Variants in CDH18 observed in about 807,000 individuals in gnomAD.
CDH18 encodes the protein cadherin 18.
In CDH18, 31 loss-of-function variants were observed where a neutral mutation model predicts 67.9. The ratio of observed to expected loss-of-function variants is 0.46; its 90% CI spans 0.34 to 0.62. The LOEUF (loss-of-function observed/expected upper bound fraction) is 0.62, where lower values mean the gene tolerates loss of function less well. Ranked by LOEUF, CDH18 falls within the 20% of genes least tolerant of loss-of-function variation. The probability of loss-of-function intolerance (pLI) is 0.01; values close to 1 mark genes in which losing one functional copy is unlikely to be tolerated. For synonymous variants in CDH18, 362 were observed against 347.2 expected (o/e 1.04, Z -0.48); for missense variants, 890 against 975.5 (o/e 0.91, Z 1.17).
chr5:19,602,261 A>G (rs1311454643), intron 6 of CDH18, among the ~76,000 whole-genome samples: 1 of 152,146 alleles, frequency 6.6e-6, no homozygotes, highest in African/African-American at 2.4e-5. Flanking sequence ...TTTTAGAACT[A>G]ATAAAGTAAT....
chr5:20,343,453 C>T (rs1425767324), intron 1 of CDH18, among the ~76,000 whole-genome samples: 1 of 152,092 alleles, frequency 6.6e-6, no homozygotes, highest in Non-Finnish European at 1.5e-5. Context: ...AGGAAGGACC[C>T]CATTACATTA....
intron 2 of CDH18, among the ~76,000 whole-genome samples, chr5:19,962,178 T>A (rs551776841): frequency 2.6e-5 from 4 of 151,838 alleles, no homozygotes; most frequent in Non-Finnish European, 5.9e-5. Context: ...GTTTGATAAA[T>A]GTTTTTATGT....
At chr5:19,790,072 C>T (rs1561305030) in intron 3 of CDH18, among the ~76,000 whole-genome samples, 1 of 152,048 alleles carries the variant, frequency 6.6e-6, no homozygotes, top group Non-Finnish European at 1.5e-5. Flanking sequence ...ATATAAATGT[C>T]CCCATCACAG....
intron 2 of CDH18, among the ~76,000 whole-genome samples, chr5:20,146,285 A>G (rs867353168): frequency 1.2e-4 from 18 of 152,058 alleles, no homozygotes; most frequent in South Asian, 6.2e-4. Flanking sequence ...TTTGGAGTAT[A>G]GTGAGGGAGG....
At chr5:20,107,217 A>T (rs1233648716) in intron 2 of CDH18, among the ~76,000 whole-genome samples, 1 of 151,858 alleles carries the variant, frequency 6.6e-6, no homozygotes, top group Non-Finnish European at 1.5e-5. Context: ...AGTAGCTGGG[A>T]CTACAGGCGC....
chr5:20,089,690 A>G (rs1333417151), intron 2 of CDH18, among the ~76,000 whole-genome samples: 1 of 152,108 alleles, frequency 6.6e-6, no homozygotes, highest in Non-Finnish European at 1.5e-5. Flanking sequence ...TTTGTCTGGC[A>G]TTATATTTTA....
intron 6 of CDH18, among the ~76,000 whole-genome samples, chr5:19,597,072 AT>A (rs1746294388): frequency 1.3e-5 from 2 of 152,222 alleles, no homozygotes. Flanking sequence ...TGTGGCTTCT[AT>A]CATGGGAACA....
intron 2 of CDH18, among the ~76,000 whole-genome samples, chr5:19,854,502 T>C (rs1291448941): frequency 6.6e-6 from 1 of 152,124 alleles, no homozygotes; most frequent in Non-Finnish European, 1.5e-5. Context: ...TGAAGAACAA[T>C]TTTTATAATA....
intron 1 of CDH18, among the ~76,000 whole-genome samples, chr5:20,488,591 G>A (rs1753358403): frequency 6.6e-6 from 1 of 151,312 alleles, no homozygotes; most frequent in Admixed American, 6.6e-5. Flanking sequence ...ACATAAATAT[G>A]TCATTGCTTT....
chr5:20,326,073 C>T (rs1319278325), intron 1 of CDH18, among the ~76,000 whole-genome samples: 1 of 152,190 alleles, frequency 6.6e-6, no homozygotes, highest in Non-Finnish European at 1.5e-5. Context: ...ACTCTAGATA[C>T]TCTTTCTGCA....
At chr5:20,405,422 A>T (rs1455372820) in intron 1 of CDH18, among the ~76,000 whole-genome samples, 1 of 152,200 alleles carries the variant, frequency 6.6e-6, no homozygotes, top group Non-Finnish European at 1.5e-5. Flanking sequence ...CTTACACCTT[A>T]TACAAAAATT....
chr5:20,333,012 T>C (rs111713263), intron 1 of CDH18, among the ~76,000 whole-genome samples: 296 of 151,958 alleles, frequency 1.9e-3, no homozygotes, highest in African/African-American at 6.9e-3. Context: ...GGAGAGAACA[T>C]GCAAACTCCA....
intron 2 of CDH18, among the ~76,000 whole-genome samples, chr5:20,053,550 C>T (rs1233377276): frequency 6.6e-6 from 1 of 152,048 alleles, no homozygotes; most frequent in African/African-American, 2.4e-5. Flanking sequence ...TGGAGGCAAC[C>T]TTTAATCACT....
intron 1 of CDH18, among the ~76,000 whole-genome samples, chr5:20,533,112 G>A (rs567127775): frequency 6.6e-6 from 1 of 151,960 alleles, no homozygotes; most frequent in Non-Finnish European, 1.5e-5. Flanking sequence ...ACACTCACTC[G>A]GGGAGAATGC....
At chr5:20,423,685 C>T (rs971291019) in intron 1 of CDH18, among the ~76,000 whole-genome samples, 2 of 150,746 alleles carry the variant, frequency 1.3e-5, no homozygotes, top group Non-Finnish European at 2.9e-5. Context: ...GTGGCTCATG[C>T]CTGTAATCCC....
chr5:20,548,593 A>T (rs1757468962), intron 1 of CDH18, among the ~76,000 whole-genome samples: 1 of 152,112 alleles, frequency 6.6e-6, no homozygotes, highest in Non-Finnish European at 1.5e-5. Context: ...TGTTCTTTCC[A>T]CATTTGCCAT....
intron 2 of CDH18, among the ~76,000 whole-genome samples, chr5:20,225,791 G>T (rs535498270): frequency 7.2e-4 from 109 of 152,216 alleles, no homozygotes; most frequent in African/African-American, 2.6e-3. Flanking sequence ...CACTTCAATG[G>T]TGTTTTGATC....
At chr5:19,552,626 A>T (rs750451840) in intron 8 of CDH18, among the ~76,000 whole-genome samples, 1 of 152,206 alleles carries the variant, frequency 6.6e-6, no homozygotes, top group South Asian at 2.1e-4. Flanking sequence ...TTCACTAAAC[A>T]CTACTGTGAA....
intron 1 of CDH18, among the ~76,000 whole-genome samples, chr5:20,313,714 A>G (rs778080691): frequency 4.6e-5 from 7 of 152,156 alleles, no homozygotes; most frequent in Non-Finnish European, 1.0e-4. Context: ...CAGTTAGAAC[A>G]TGGCTTGATA....
Sources: gnomAD v4.1 joint callset for allele counts (sites outside exome capture counted in the v4.1 genomes callset) on GRCh38, gnomAD v4.1.1 for gene constraint, MANE v1.5 for transcripts, NCBI Gene and HGNC (gene_info 2026-07-23, HGNC 2026-07-21) for gene names.